The following COG6 variants were observed in gnomAD, a reference collection of about 807,000 sequenced individuals.
COG6 encodes component of oligomeric golgi complex 6.
COG6 carries 74 observed loss-of-function variants against 88.8 expected under a neutral mutation model. The ratio of observed to expected loss-of-function variants is 0.83; its 90% CI spans 0.69 to 1.01. COG6 has a LOEUF of 1.01. Among genes scored for constraint, COG6 ranks in the 50% least tolerant of loss-of-function variants. COG6 has a pLI of 0.00. For synonymous variants in COG6, 286 were observed against 278.7 expected (o/e 1.03, Z -0.26); for missense variants, 800 against 797.9 (o/e 1.00, Z -0.03).
chr13:39,656,035 G>A, intron 1 of COG6, 156 bp downstream of exon 1: 1 of 985,684 alleles, frequency 1.0e-6, no homozygotes, highest in Non-Finnish European at 1.6e-6. Flanking sequence ...CTCTGCGGGC[G>A]CCGGGGGCGG....
At chr13:39,770,049 T>C (rs935474141) in intron 18 of COG6, among the ~76,000 whole-genome samples, 1 of 152,238 alleles carries the variant, frequency 6.6e-6, no homozygotes, top group Non-Finnish European at 1.5e-5. Flanking sequence ...CTTTACCTTA[T>C]AGTACCACAC....
intron 18 of COG6, among the ~76,000 whole-genome samples, chr13:39,770,505 T>C (rs763194323): frequency 6.6e-6 from 1 of 152,254 alleles, no homozygotes; most frequent in Admixed American, 6.5e-5. Flanking sequence ...GAAGCTTGAC[T>C]GAAGCCCAGG....
intron 13 of COG6, among the ~76,000 whole-genome samples, chr13:39,706,919 A>G (rs1349249901): frequency 1.3e-5 from 2 of 151,654 alleles, no homozygotes; most frequent in Non-Finnish European, 2.9e-5. Context: ...CCTGGTCTCA[A>G]GCAATCCACC....
chr13:39,755,296 G>C (rs559395662), downstream of COG6, among the ~76,000 whole-genome samples: 1 of 152,118 alleles, frequency 6.6e-6, no homozygotes, highest in African/African-American at 2.4e-5. Context: ...AAAAGAACAC[G>C]CCACATTCAT....
At chr13:39,689,670 G>T in intron 10 of COG6, 90 bp from the exon 11 acceptor site, 1 of 780,698 alleles carries the variant, frequency 1.3e-6, no homozygotes, top group Admixed American at 2.1e-5. Flanking sequence ...TTAATTATAT[G>T]TATTATATAT....
At chr13:39,676,255 A>G (rs1593417037) in intron 4 of COG6, among the ~76,000 whole-genome samples, 1 of 152,162 alleles carries the variant, frequency 6.6e-6, no homozygotes, top group South Asian at 2.1e-4. Context: ...AATGGATTAA[A>G]GAGTAAACTA....
chr13:39,779,705 C>T (rs1242182657), intron 18 of COG6, among the ~76,000 whole-genome samples: 3 of 152,152 alleles, frequency 2.0e-5, no homozygotes, highest in Admixed American at 6.5e-5. Flanking sequence ...CTTCATTGAA[C>T]GAAGACCTCT....
At chr13:39,707,915 GA>G (rs1316578844) in intron 13 of COG6, among the ~76,000 whole-genome samples, 1 of 152,090 alleles carries the variant, frequency 6.6e-6, no homozygotes, top group Non-Finnish European at 1.5e-5. Flanking sequence ...CCCAGAAATG[GA>G]ATATCTGGAT....
At chr13:39,684,243 A>ATTTTTTTTGTTTTTTTTTTT (rs1876493403) in intron 8 of COG6, among the ~76,000 whole-genome samples, 1 of 67,382 alleles carries the variant, frequency 1.5e-5, no homozygotes, top group Non-Finnish European at 2.5e-5. Context: ...AATTTGGAAG[A>ATTTTTTTTGTTTTTTTTTTT]TTTTTTTTTT....
chr13:39,732,402 G>C (rs1224849589), intron 18 of COG6, among the ~76,000 whole-genome samples: 2 of 152,234 alleles, frequency 1.3e-5, no homozygotes, highest in Middle Eastern at 3.4e-3. Flanking sequence ...ATTGCAGTGA[G>C]GAAGCAGGAA....
rs1477738246 is a variant in COG6 at position 39,655,696 on chromosome 13, G to A, written c.-31G>A. 3 of 1,551,036 alleles carry A rather than the reference G, an allele frequency of 1.9e-6. No individual in the cohort carries two copies. The highest frequency in any genetic ancestry group is 2.6e-6 in the Non-Finnish European group (3 of 1,149,958). ...GCCTCCGTGGTCCCTGCCTGGCTGA[G>A]GTGGCAGCAGGGGGCGGGACGCGCA... is the stretch of plus-strand genomic sequence containing the variant. On this transcript the variant is annotated 5_prime_UTR_variant, in exon 1 of 19. Transcript: ENST00000455146.
chr13:39,714,375 A>G (rs192965619), intron 13 of COG6, among the ~76,000 whole-genome samples: 28 of 152,264 alleles, frequency 1.8e-4, no homozygotes, highest in Non-Finnish European at 1.6e-4. Flanking sequence ...CAAACTACGT[A>G]TCTGAAAAAG....
chr13:39,728,908 C>T (rs1162367149), intron 18 of COG6, among the ~76,000 whole-genome samples: 1 of 152,130 alleles, frequency 6.6e-6, no homozygotes, highest in Non-Finnish European at 1.5e-5. Flanking sequence ...CGTGATCCAC[C>T]TGCCTCGGCC....
In COG6 at chr13:39,655,675, C is replaced by A. The variant is rs1874413092; in HGVS notation, c.-52C>A. ...CACATGCGCAATACTCGCGCTGCCTCCGTGGTCCCTGCCTGGCTGAGGTGG... is the reference window on the plus strand; with the variant it reads ...CACATGCGCAATACTCGCGCTGCCTACGTGGTCCCTGCCTGGCTGAGGTGG... On this transcript the variant is annotated 5_prime_UTR_variant, in exon 1 of 19. Coordinates refer to ENST00000455146, the MANE Select transcript of COG6 (RefSeq NM_020751.3). The A allele has an allele frequency of 3.2e-6, 5 of 1,551,342 alleles. No individual in the cohort carries two copies. Among genetic ancestry groups the A allele is most frequent in the Non-Finnish European group, 3.5e-6 (4 of 1,146,496 alleles).
At chr13:39,661,969 G>A (rs1874922974) in intron 3 of COG6, among the ~76,000 whole-genome samples, 1 of 151,314 alleles carries the variant, frequency 6.6e-6, no homozygotes, top group South Asian at 2.1e-4. Flanking sequence ...CTGATCTTTA[G>A]TGATAGTATC....
chr13:39,753,149 G>T (rs1435148391), downstream of COG6, among the ~76,000 whole-genome samples: 1 of 152,210 alleles, frequency 6.6e-6, no homozygotes, highest in Non-Finnish European at 1.5e-5. Context: ...CCCCTCAGGG[G>T]ATGGTATTAG....
intron 13 of COG6, among the ~76,000 whole-genome samples, chr13:39,701,476 A>T (rs553515406): frequency 6.6e-6 from 1 of 152,036 alleles, no homozygotes; most frequent in East Asian, 1.9e-4. Context: ...ACCAGGACAC[A>T]GTCTTGGGAA....
intron 18 of COG6, among the ~76,000 whole-genome samples, chr13:39,744,133 C>A (rs1176388040): frequency 2.6e-5 from 4 of 152,056 alleles, no homozygotes; most frequent in Non-Finnish European, 4.4e-5. Context: ...TATGACAAAC[C>A]CACAGCCAAT....
chr13:39,668,675 C>A (rs1268780369), intron 4 of COG6, among the ~76,000 whole-genome samples: 4 of 151,836 alleles, frequency 2.6e-5, no homozygotes, highest in Admixed American at 1.3e-4. Context: ...GTAGTCCCAG[C>A]TACTCAGGAG....
Sources: allele counts gnomAD v4.1 joint callset (sites outside exome capture counted in the v4.1 genomes callset), GRCh38; gene constraint gnomAD v4.1.1; transcripts MANE v1.5; gene names NCBI Gene and HGNC (gene_info 2026-07-23, HGNC 2026-07-21).